RBFOX1: variants seen among roughly 807,000 people sequenced by gnomAD.
RBFOX1 encodes the protein RNA binding protein fox-1 homolog 1.
Under a neutral mutation model 57.7 loss-of-function variants are expected in RBFOX1, and 8 were observed. That is an observed-to-expected ratio of 0.14 (90% CI 0.08 to 0.25). The LOEUF is 0.25. Ranked by LOEUF, RBFOX1 falls within the 10% of genes least tolerant of loss-of-function variation. The probability of loss-of-function intolerance (pLI) is 1.00; values close to 1 mark genes in which losing one functional copy is unlikely to be tolerated. For missense variants in RBFOX1, 611 were observed against 548.5 expected (o/e 1.11, Z -1.14); for synonymous variants, 326 against 222.4 (o/e 1.47, Z -4.15).
intron 2 of RBFOX1, among the ~76,000 whole-genome samples, chr16:6,529,081 C>A (rs1333748808): frequency 6.6e-6 from 1 of 152,116 alleles, no homozygotes; most frequent in African/African-American, 2.4e-5. Context: ...TTGTAAACCG[C>A]CCCCAAATTC....
intron 4 of RBFOX1, among the ~76,000 whole-genome samples, chr16:7,402,563 T>C (rs1358685580): frequency 6.6e-6 from 1 of 152,140 alleles, no homozygotes; most frequent in African/African-American, 2.4e-5. Flanking sequence ...TGAACTTTGG[T>C]AGTGGAAAGA....
chr16:6,085,745 C>T (rs1201618402), intron 1 of RBFOX1, among the ~76,000 whole-genome samples: 1 of 152,146 alleles, frequency 6.6e-6, no homozygotes, highest in Non-Finnish European at 1.5e-5. Flanking sequence ...TCTACCCTCC[C>T]CAAGAGTTGG....
At chr16:6,559,444 C>T (rs969034238) in intron 2 of RBFOX1, among the ~76,000 whole-genome samples, 2 of 152,084 alleles carry the variant, frequency 1.3e-5, no homozygotes, top group Admixed American at 1.3e-4. Context: ...TCAGCACCAT[C>T]TTCTCTTTTA....
intron 3 of RBFOX1, among the ~76,000 whole-genome samples, chr16:6,663,865 G>C (rs887743123): frequency 4.6e-5 from 7 of 152,206 alleles, no homozygotes; most frequent in Non-Finnish European, 1.0e-4. Context: ...GTTGAGCATG[G>C]CATGACTAAG....
intron 1 of RBFOX1, among the ~76,000 whole-genome samples, chr16:6,189,971 C>G (rs947810876): frequency 1.3e-5 from 2 of 152,038 alleles, no homozygotes; most frequent in African/African-American, 2.4e-5. Context: ...CCAATGTTTT[C>G]TTGTAGTAGT....
At chr16:5,778,022 C>G (rs1253425737) in intron 3 of RBFOX1, among the ~76,000 whole-genome samples, 2 of 152,164 alleles carry the variant, frequency 1.3e-5, no homozygotes, top group African/African-American at 2.4e-5. Flanking sequence ...GATACATGCT[C>G]AGAACCCTAG....
At chr16:6,946,174 T>C (rs2079476534) in intron 3 of RBFOX1, among the ~76,000 whole-genome samples, 1 of 152,238 alleles carries the variant, frequency 6.6e-6, no homozygotes, top group Non-Finnish European at 1.5e-5. Flanking sequence ...GGCAAGTGTT[T>C]ACAGTAAAGG....
At chr16:5,669,314 A>G (rs1223274269) in intron 3 of RBFOX1, among the ~76,000 whole-genome samples, 1 of 151,312 alleles carries the variant, frequency 6.6e-6, no homozygotes. Context: ...CAGCAGCAGG[A>G]GGGAGCCAAG....
intron 1 of RBFOX1, among the ~76,000 whole-genome samples, chr16:6,112,950 G>A (rs939568325): frequency 6.6e-6 from 1 of 152,088 alleles, no homozygotes; most frequent in Non-Finnish European, 1.5e-5. Flanking sequence ...AACTTCATTT[G>A]GGCCTAGAAA....
At chr16:6,197,359 C>T (rs2097186547) in intron 1 of RBFOX1, among the ~76,000 whole-genome samples, 1 of 152,034 alleles carries the variant, frequency 6.6e-6, no homozygotes, top group African/African-American at 2.4e-5. Context: ...GTGTCTCAAA[C>T]TGAAATCAAT....
At chr16:7,671,711 A>G (rs2071500792) in intron 13 of RBFOX1, 1 of 997,096 alleles carries the variant, frequency 1.0e-6, no homozygotes, top group Admixed American at 1.9e-5. Flanking sequence ...ACATAGGAGG[A>G]AAGACTTAAC....
At chr16:5,303,293 T>C (rs1202890862) in intron 1 of RBFOX1, among the ~76,000 whole-genome samples, 1 of 152,236 alleles carries the variant, frequency 6.6e-6, no homozygotes, top group African/African-American at 2.4e-5. Flanking sequence ...CCTGGGATTT[T>C]CTGTCAGGCT....
intron 4 of RBFOX1, among the ~76,000 whole-genome samples, chr16:5,966,499 C>G (rs1338024843): frequency 1.3e-5 from 2 of 152,168 alleles, no homozygotes; most frequent in East Asian, 3.9e-4. Context: ...ACTCAGTCCC[C>G]CAGGCTGGAG....
intron 3 of RBFOX1, among the ~76,000 whole-genome samples, chr16:7,033,111 T>C (rs2043235867): frequency 6.6e-6 from 1 of 152,176 alleles, no homozygotes; most frequent in Middle Eastern, 3.4e-3. Flanking sequence ...AGTGGGGAGA[T>C]GAGACAGGGC....
intron 1 of RBFOX1, among the ~76,000 whole-genome samples, chr16:6,299,631 T>C (rs2078565830): frequency 6.6e-6 from 1 of 152,194 alleles, no homozygotes; most frequent in African/African-American, 2.4e-5. Flanking sequence ...TCCTAAAATA[T>C]GGTCAGAACA....
chr16:6,819,925 C>G (rs939445356), intron 3 of RBFOX1, among the ~76,000 whole-genome samples: 4 of 152,046 alleles, frequency 2.6e-5, no homozygotes, highest in East Asian at 1.9e-4. Context: ...GGAGACTGTT[C>G]CTGCAGAGGT....
At chr16:6,943,708 T>TAAAA (rs35455385) in intron 3 of RBFOX1, among the ~76,000 whole-genome samples, 1 of 134,010 alleles carries the variant, frequency 7.5e-6, no homozygotes, top group Non-Finnish European at 1.6e-5. Context: ...ACTCTGTCTT[T>TAAAA]AAAAAAAAAA....
chr16:5,966,692 T>C (rs1452834116), intron 4 of RBFOX1, among the ~76,000 whole-genome samples: 1 of 152,128 alleles, frequency 6.6e-6, no homozygotes, highest in Non-Finnish European at 1.5e-5. Flanking sequence ...CAACTCGCTG[T>C]TGTGAGAACA....
At chr16:6,702,446 T>C (rs1183553117) in intron 3 of RBFOX1, among the ~76,000 whole-genome samples, 1 of 151,906 alleles carries the variant, frequency 6.6e-6, no homozygotes, top group African/African-American at 2.4e-5. Flanking sequence ...CCCAGCTACT[T>C]GGGAGGCTGA....
Sources: allele counts gnomAD v4.1 joint callset (sites outside exome capture counted in the v4.1 genomes callset), GRCh38; gene constraint gnomAD v4.1.1; transcripts MANE v1.5; gene names NCBI Gene and HGNC (gene_info 2026-07-23, HGNC 2026-07-21).